NME8: variants seen among roughly 807,000 people sequenced by gnomAD.
NME8 encodes the protein NME/NM23 family member 8.
In NME8, 72 loss-of-function variants were observed where a neutral mutation model predicts 82.3. The observed-to-expected ratio is 0.87, with a 90% CI of 0.72 to 1.06. NME8 has a LOEUF of 1.06. Among genes scored for constraint, NME8 ranks in the 50% least tolerant of loss-of-function variants. NME8 has a pLI of 0.00. For missense variants in NME8, 712 were observed against 685.4 expected (o/e 1.04, Z -0.43); for synonymous variants, 267 against 228.5 (o/e 1.17, Z -1.52).
At chr7:37,875,872 G>A (rs546116499) in intron 11 of NME8, among the ~76,000 whole-genome samples, 2 of 152,124 alleles carry the variant, frequency 1.3e-5, no homozygotes, top group East Asian at 3.9e-4. Context: ...ACAAGAATAA[G>A]TAAGGATGAG....
At chr7:37,886,608 G>A (rs1277521409) in intron 14 of NME8, among the ~76,000 whole-genome samples, 2 of 152,114 alleles carry the variant, frequency 1.3e-5, no homozygotes, top group Non-Finnish European at 2.9e-5. Context: ...GTTGTTACCT[G>A]TTACTCCCTC....
intron 17 of NME8, among the ~76,000 whole-genome samples, chr7:37,898,039 T>C (rs1785257123): frequency 6.6e-6 from 1 of 152,226 alleles, no homozygotes; most frequent in Non-Finnish European, 1.5e-5. Flanking sequence ...CTGGATCAAA[T>C]GGTATCTCTG....
chr7:37,882,511 AAAGG>A (rs975965424), intron 12 of NME8, among the ~76,000 whole-genome samples: 3 of 150,024 alleles, frequency 2.0e-5, no homozygotes, highest in South Asian at 4.2e-4. Context: ...GAAAAGAAAT[AAAGG>A]AAGGAAGGAA....
At chr7:37,880,776 T>C (rs575381910) in intron 12 of NME8, among the ~76,000 whole-genome samples, 2 of 149,110 alleles carry the variant, frequency 1.3e-5, no homozygotes, top group Admixed American at 6.8e-5. Flanking sequence ...GAATATGGAA[T>C]ATCTCTCCAT....
Position 37,849,573 on chromosome 7 carries a change from T to A in NME8, c.-8+517T>A, listed in dbSNP as rs560345622. On this transcript the variant is annotated intron_variant, in intron 2 of 17. Coordinates refer to ENST00000199447, the MANE Select transcript of NME8 (RefSeq NM_016616.5). The stretch of plus-strand genomic sequence containing the variant: ...GTACAGTGGGGAAATTTTTCACTAG[T>A]ACATTAAGATGTTATTTGCAGTTAG... Among the ~76,000 whole-genome samples the A allele has an allele frequency of 1.8e-4, 27 of 152,260 alleles. No homozygotes were observed. In the South Asian group the frequency reaches 5.4e-3, roughly 30 times the overall value.
chr7:37,879,791 C>G (rs1784914474), intron 12 of NME8, among the ~76,000 whole-genome samples: 1 of 152,166 alleles, frequency 6.6e-6, no homozygotes, highest in Non-Finnish European at 1.5e-5. Context: ...TCCAAAGCAC[C>G]TGTACCACTT....
Position 37,859,099 on chromosome 7 carries a change from A to C in NME8, c.270+1754A>C, listed in dbSNP as rs1784559137. Among the ~76,000 whole-genome samples, 4 of 152,156 alleles carry C rather than the reference A, an allele frequency of 2.6e-5. No individual in the cohort carries two copies. In the South Asian group the frequency reaches 8.3e-4, roughly 32 times the overall value. ...CAGTCTGCAAAAGTTTGAGCCAAAT[A>C]AATTTTTCTTTACGAAGTTCCCAGC... is the stretch of plus-strand genomic sequence containing the variant. On this transcript the variant is annotated intron_variant, in intron 6 of 17. Coordinates refer to ENST00000199447, the MANE Select transcript of NME8 (RefSeq NM_016616.5).
intron 10 of NME8, among the ~76,000 whole-genome samples, chr7:37,867,343 G>A (rs960126361): frequency 6.6e-6 from 1 of 151,718 alleles, no homozygotes; most frequent in African/African-American, 2.4e-5. Context: ...TAAAATGAGA[G>A]GCACGTTTGC....
chr7:37,888,284 G>A lies in NME8; in HGVS notation c.1255G>A (p.Ala419Thr), dbSNP rs769815367. 4 of 1,613,436 alleles carry A rather than the reference G, an allele frequency of 2.5e-6. No individual in the cohort carries two copies. In the South Asian group the frequency reaches 3.3e-5, roughly 13 times the overall value. Residue 419 changes from alanine (A) to threonine (T), a missense_variant, in exon 15 of 18, where the codon GCA becomes ACA. Transcript: ENST00000199447. ...CTGACTTCTTTTTCAAAGTTTATGT[G>A]CACAGTTTGCGATGGACAGTTTGCC... The part of the protein sequence containing the change: ...AIEYFPESLC[A>T]QFAMDSLPVN...
chr7:37,850,291 C>T lies in NME8; in HGVS notation c.25C>T (p.Gln9Ter), dbSNP rs373353542. 2.5e-6 allele frequency: 4 copies of T among 1,613,916 alleles called. No homozygotes were observed. Among genetic ancestry groups the T allele is most frequent in the East Asian group, 2.2e-5 (1 of 44,890 alleles). ...AATGGCAAGCAAAAAACGAGAAGTC[C>T]AGTTACAGGTGGGTCTGACATATCA... MASKKREV[Q>*]LQTVINNQSL... The change falls in exon 3 of 18, where the codon CAG becomes TAG. Residue 9 changes from glutamine to a stop codon, truncating the protein, a stop_gained. Coordinates refer to ENST00000199447, the MANE Select transcript of NME8 (RefSeq NM_016616.5). LOFTEE classifies it high-confidence loss of function.
Position 37,876,980 on chromosome 7 carries a change from C to T in NME8, c.967C>T (p.Arg323Ter), listed in dbSNP as rs374455803. 5 of 1,612,970 alleles carry T rather than the reference C, an allele frequency of 3.1e-6. No individual in the cohort carries two copies. The highest frequency in any genetic ancestry group is 1.1e-5 in the South Asian group (1 of 91,032). Residue 323 changes from arginine to a stop codon, truncating the protein, a stop_gained, in exon 12 of 18, where the codon CGA (arginine) becomes TGA (stop). Transcript: ENST00000199447. LOFTEE classifies it high-confidence loss of function. ...MKLEKTLALL[R>*]PNLFHERKDD... is the part of the protein sequence containing the mutation. ...ATTAGAAAAGACATTGGCATTACTT[C>T]GACCAAATCTCTTTCATGAAAGGAA...
intron 5 of NME8, among the ~76,000 whole-genome samples, chr7:37,853,201 G>A (rs1583625055): frequency 6.6e-6 from 1 of 152,228 alleles, no homozygotes; most frequent in African/African-American, 2.4e-5. Flanking sequence ...TGAGTTTCAA[G>A]TATTCTGTGT....
At chr7:37,865,687 T>C in intron 10 of NME8, 70 bp downstream of exon 10, 1 of 1,095,986 alleles carries the variant, frequency 9.1e-7, no homozygotes, top group Non-Finnish European at 1.4e-6. Context: ...TTTAAATCTT[T>C]ATTACAGAAA....
At position 37,867,746 on chromosome 7, in the gene NME8, C is replaced by A; in HGVS notation, c.666C>A (p.Ser222Arg). 1 of 1,613,560 alleles carries A rather than the reference C, an allele frequency of 6.2e-7. No individual in the cohort carries two copies. The highest frequency in any genetic ancestry group is 8.5e-7 in the Non-Finnish European group (1 of 1,179,574). The change falls in exon 11 of 18, where the codon AGC becomes AGA. Residue 222 changes from serine (S) to arginine (R), a missense_variant. By Grantham distance (110) the Ser-to-Arg change is moderately radical (BLOSUM62 -1). Transcript: ENST00000199447. ...EFVSFMTSGL[S>R]YILVVSQGSK... ...TCTCTTTTATGACAAGTGGCTTAAG[C>A]TATATTCTAGTTGTATCTCAAGGAA...
intron 7 of NME8, among the ~76,000 whole-genome samples, chr7:37,862,373 A>G (rs1041897464): frequency 1.3e-5 from 2 of 152,174 alleles, no homozygotes; most frequent in African/African-American, 4.8e-5. Context: ...GCATTTTGGC[A>G]ATGCATGTGT....
At chr7:37,871,622 G>A (rs1784768442) in intron 11 of NME8, among the ~76,000 whole-genome samples, 1 of 152,066 alleles carries the variant, frequency 6.6e-6, no homozygotes, top group Non-Finnish European at 1.5e-5. Context: ...GAGATACAAA[G>A]ATGGGGAAGA....
At chr7:37,863,878 A>G (rs1465588188) in intron 8 of NME8, among the ~76,000 whole-genome samples, 2 of 152,182 alleles carry the variant, frequency 1.3e-5, no homozygotes, top group Non-Finnish European at 2.9e-5. Context: ...GTATGTGTTC[A>G]TACTCTGGAG....
chr7:37,888,100 G>A lies in NME8; in HGVS notation c.1248-177G>A, dbSNP rs2722365. On this transcript the variant is annotated intron_variant, in intron 14 of 17. Transcript: ENST00000199447. ...ATCACATCCTTTCTTCCTAATGACC[G>A]TTATCCTTGAAAAGAAGTAGCATGC... Among the ~76,000 whole-genome samples, 67,406 of 151,950 alleles carry A rather than the reference G, an allele frequency of 0.44. 15,266 individuals carry two copies. The highest frequency in any genetic ancestry group is 0.64 in the East Asian group (3,294 of 5,166).
intron 16 of NME8, 182 bp from the exon 17 acceptor site, chr7:37,896,688 C>T: frequency 1.6e-6 from 1 of 619,548 alleles, no homozygotes; most frequent in East Asian, 2.7e-5. Flanking sequence ...TAGCACCCAC[C>T]TAGCATATAA....
Sources: gnomAD v4.1 joint callset for allele counts (sites outside exome capture counted in the v4.1 genomes callset) on GRCh38, gnomAD v4.1.1 for gene constraint, MANE v1.5 for transcripts, NCBI Gene and HGNC (gene_info 2026-07-23, HGNC 2026-07-21) for gene names.